Variants in LARP1B observed in about 807,000 individuals in gnomAD.
The protein encoded by LARP1B is la-related protein 1B.
Under a neutral mutation model 114.2 loss-of-function variants are expected in LARP1B, and 76 were observed. The ratio of observed to expected loss-of-function variants is 0.67; its 90% CI spans 0.55 to 0.81. The LOEUF (loss-of-function observed/expected upper bound fraction) is 0.81. LARP1B is among the 30% of genes least tolerant of loss of function. The pLI, the probability that LARP1B is intolerant of heterozygous loss-of-function variation, is 0.00. For missense variants in LARP1B, 1,014 were observed against 1,075.8 expected, an observed-to-expected ratio of 0.94 and a Z score of 0.80; for synonymous variants, 345 against 348.0, an observed-to-expected ratio of 0.99 and a Z score of 0.10.
At chr4:128,126,851 A>G (rs1191804818) in intron 11 of LARP1B, among the ~76,000 whole-genome samples, 1 of 151,188 alleles carries the variant, frequency 6.6e-6, no homozygotes, top group Non-Finnish European at 1.5e-5. Flanking sequence ...AACTTGGAAT[A>G]TAGGATAACG....
intron 1 of LARP1B, among the ~76,000 whole-genome samples, chr4:128,074,043 C>G (rs1766808723): frequency 6.6e-6 from 1 of 151,890 alleles, no homozygotes; most frequent in South Asian, 2.1e-4. Context: ...CAGGTTCAAG[C>G]GATTCTCCTG....
At chr4:128,170,532 A>G (rs1322768227) in intron 12 of LARP1B, among the ~76,000 whole-genome samples, 1 of 152,096 alleles carries the variant, frequency 6.6e-6, no homozygotes, top group Non-Finnish European at 1.5e-5. Context: ...TTCACCTTAT[A>G]CCCATTGGTA....
chr4:128,118,516 G>A (rs1786800112), intron 10 of LARP1B, among the ~76,000 whole-genome samples: 2 of 151,822 alleles, frequency 1.3e-5, no homozygotes, highest in Admixed American at 1.3e-4. Flanking sequence ...GATTACAGGC[G>A]TGAGTCACCG....
intron 8 of LARP1B, among the ~76,000 whole-genome samples, chr4:128,098,601 T>C (rs1440579040): frequency 1.3e-5 from 2 of 150,768 alleles, no homozygotes; most frequent in Non-Finnish European, 3.0e-5. Context: ...CTTCAAACTT[T>C]AACCCTTTTG....
intron 12 of LARP1B, among the ~76,000 whole-genome samples, chr4:128,169,193 T>A (rs1742451485): frequency 6.6e-6 from 1 of 152,038 alleles, no homozygotes; most frequent in African/African-American, 2.4e-5. Flanking sequence ...TTAATTTTTT[T>A]AAGTTTTATT....
chr4:128,095,537 G>GT (rs1348703713), intron 7 of LARP1B, among the ~76,000 whole-genome samples: 1 of 150,938 alleles, frequency 6.6e-6, no homozygotes, highest in African/African-American at 2.4e-5. Flanking sequence ...GTGTTACTGA[G>GT]TGAGATGTCA....
At chr4:128,166,346 A>G (rs1015217833) in intron 12 of LARP1B, among the ~76,000 whole-genome samples, 5 of 151,848 alleles carry the variant, frequency 3.3e-5, no homozygotes, top group African/African-American at 7.2e-5. Flanking sequence ...CTCCATCTCT[A>G]TCACCCTGTA....
intron 14 of LARP1B, 181 bp from the exon 15 acceptor site, chr4:128,179,225 T>C (rs1581345575): frequency 4.7e-6 from 2 of 424,446 alleles, no homozygotes; most frequent in Non-Finnish European, 8.3e-6. Flanking sequence ...CAAAGGACTT[T>C]ATTTATTAAG....
chr4:128,088,334 AT>A (rs1774508397), intron 5 of LARP1B, among the ~76,000 whole-genome samples: 1 of 152,146 alleles, frequency 6.6e-6, no homozygotes, highest in African/African-American at 2.4e-5. Context: ...GCTTAAGTGC[AT>A]TGGTTTCTTT....
At chr4:128,079,383 C>T (rs1264284649) in intron 4 of LARP1B, among the ~76,000 whole-genome samples, 1 of 151,942 alleles carries the variant, frequency 6.6e-6, no homozygotes, top group African/African-American at 2.4e-5. Context: ...GCATGAGCCA[C>T]CGGGCCTGGC....
chr4:128,112,715 C>G (rs1029961502), intron 9 of LARP1B, among the ~76,000 whole-genome samples: 7 of 151,838 alleles, frequency 4.6e-5, no homozygotes, highest in Admixed American at 4.6e-4. Flanking sequence ...CTTAGGTGAT[C>G]CGCCCACCTC....
intron 7 of LARP1B, among the ~76,000 whole-genome samples, chr4:128,097,446 T>C (rs894480165): frequency 3.9e-5 from 6 of 152,140 alleles, no homozygotes; most frequent in Non-Finnish European, 7.4e-5. Flanking sequence ...TAGCTGGGAT[T>C]ACAGGCATGC....
At chr4:128,066,627 G>A (rs926524968) in intron 1 of LARP1B, among the ~76,000 whole-genome samples, 5 of 151,728 alleles carry the variant, frequency 3.3e-5, no homozygotes, top group African/African-American at 4.8e-5. Flanking sequence ...ACAGGCAAGC[G>A]GCACCATGCC....
chr4:128,136,017 G>T (rs1725091686), intron 11 of LARP1B, among the ~76,000 whole-genome samples: 1 of 151,990 alleles, frequency 6.6e-6, no homozygotes, highest in African/African-American at 2.4e-5. Context: ...CATAGGCCAG[G>T]TGCGGTGGCT....
intron 15 of LARP1B, among the ~76,000 whole-genome samples, chr4:128,180,723 T>C (rs986034355): frequency 5.9e-5 from 9 of 152,246 alleles, no homozygotes; most frequent in African/African-American, 1.2e-4. Flanking sequence ...TAAACATCTA[T>C]GTAAAGGTTT....
At chr4:128,074,907 A>T in intron 2 of LARP1B, 27 bp from the exon 3 acceptor site, 1 of 1,490,552 alleles carries the variant, frequency 6.7e-7, no homozygotes, top group South Asian at 1.2e-5. Context: ...GTAATTTCAG[A>T]CCTAACACTT....
At chr4:128,146,438 T>G (rs1730382782) in intron 11 of LARP1B, among the ~76,000 whole-genome samples, 2 of 152,186 alleles carry the variant, frequency 1.3e-5, no homozygotes, top group Non-Finnish European at 2.9e-5. Flanking sequence ...TTAGAAAAAT[T>G]CCAAAGTAAA....
At chr4:128,113,556 T>G (rs749118178) in intron 9 of LARP1B, among the ~76,000 whole-genome samples, 1 of 151,766 alleles carries the variant, frequency 6.6e-6, no homozygotes, top group African/African-American at 2.4e-5. Context: ...TTGGCCAGGC[T>G]GGTCTTGAAC....
intron 12 of LARP1B, among the ~76,000 whole-genome samples, chr4:128,166,964 C>CTA (rs1415332322): frequency 6.3e-4 from 61 of 96,636 alleles, no homozygotes; most frequent in African/African-American, 1.6e-3. Context: ...CTCTCTCTCT[C>CTA]TCTCTCTATA....
Sources: allele counts gnomAD v4.1 joint callset (sites outside exome capture counted in the v4.1 genomes callset), GRCh38; gene constraint gnomAD v4.1.1; transcripts MANE v1.5; gene names NCBI Gene and HGNC (gene_info 2026-07-23, HGNC 2026-07-21).